Variants in DNAJC11 observed in about 807,000 individuals in gnomAD.
DNAJC11 encodes DnaJ heat shock protein family (Hsp40) member C11, also known as dnaJ homolog subfamily C member 11.
A neutral mutation model predicts 78.6 loss-of-function variants in DNAJC11; 15 were observed. The ratio of observed to expected loss-of-function variants is 0.19; its 90% CI spans 0.13 to 0.29. The LOEUF is 0.29. DNAJC11 is among the 10% of genes least tolerant of loss of function. The pLI is 1.00. For missense variants in DNAJC11, 547 were observed against 709.6 expected (o/e 0.77, Z 2.60); for synonymous variants, 292 against 272.1 (o/e 1.07, Z -0.72).
At chr1:6,642,352 C>T (rs1031363453) in intron 10 of DNAJC11, among the ~76,000 whole-genome samples, 8 of 152,132 alleles carry the variant, frequency 5.3e-5, no homozygotes, top group Non-Finnish European at 1.0e-4. Context: ...GGGGAGGGTG[C>T]TGTGTAACTA....
At chr1:6,646,017 C>G in intron 7 of DNAJC11, 39 bp from the exon 8 acceptor site, 1 of 1,600,994 alleles carries the variant, frequency 6.2e-7, no homozygotes, top group Non-Finnish European at 8.6e-7. Context: ...CTGGATAGCA[C>G]CTGCTCTCAG....
chr1:6,679,495 C>T (rs760726353), intron 2 of DNAJC11, among the ~76,000 whole-genome samples: 3 of 152,288 alleles, frequency 2.0e-5, no homozygotes, highest in East Asian at 3.9e-4. Flanking sequence ...CTCTGCTTCA[C>T]CAATTTCTGC....
chr1:6,681,424 AC>A (rs1642550722), intron 1 of DNAJC11, among the ~76,000 whole-genome samples: 1 of 152,190 alleles, frequency 6.6e-6, no homozygotes, highest in Non-Finnish European at 1.5e-5. Context: ...AAAGCTATAT[AC>A]CATTAGACAG....
chr1:6,670,922 G>T (rs1190004807), intron 3 of DNAJC11: 1 of 152,134 alleles, frequency 6.6e-6, no homozygotes, highest in East Asian at 1.9e-4. Flanking sequence ...TGCATCGAAA[G>T]AAAATAAAAA....
At chr1:6,697,020 A>G (rs555005415) in intron 1 of DNAJC11, among the ~76,000 whole-genome samples, 5 of 152,372 alleles carry the variant, frequency 3.3e-5, no homozygotes, top group Admixed American at 1.3e-4. Context: ...TCTGATTTAT[A>G]GTTAAGGAAT....
intron 4 of DNAJC11, among the ~76,000 whole-genome samples, chr1:6,663,299 AC>A (rs924251323): frequency 1.6e-4 from 25 of 152,126 alleles, no homozygotes; most frequent in African/African-American, 5.5e-4. Flanking sequence ...TTGCCCCCAC[AC>A]CCCCAAACAA....
chr1:6,639,038 G>A (rs1641831911), intron 11 of DNAJC11, among the ~76,000 whole-genome samples: 1 of 152,182 alleles, frequency 6.6e-6, no homozygotes, highest in African/African-American at 2.4e-5. Flanking sequence ...TCCTTTATCT[G>A]AGATTCTCTA....
chr1:6,646,076 C>A, intron 7 of DNAJC11, 98 bp from the exon 8 acceptor site: 1 of 1,242,544 alleles, frequency 8.0e-7, no homozygotes, highest in Non-Finnish European at 1.2e-6. Context: ...CTTACTGTCA[C>A]GTCTATGCAT....
intron 4 of DNAJC11, among the ~76,000 whole-genome samples, chr1:6,660,397 C>T (rs558155314): frequency 3.9e-5 from 6 of 152,176 alleles, no homozygotes; most frequent in Admixed American, 3.3e-4. Flanking sequence ...CCTAGATGAT[C>T]TGCCTGCCTC....
At position 6,637,839 on chromosome 1, in the gene DNAJC11, TAA is replaced by T. The variant is rs1570261193; in HGVS notation, c.1324-337_1324-336del. The T allele has an allele frequency of 6.8e-6, 3 of 443,120 alleles. No homozygotes were observed. In the East Asian group the frequency reaches 1.3e-4, roughly 19 times the overall value. The allele number at this position is 443,120 out of a possible 1,614,324, so 27.4% of individuals were successfully genotyped here. A position where few individuals can be genotyped will look rare whatever the true frequency, so the allele number is the denominator to read the frequency against. On this transcript the variant is annotated intron_variant, in intron 12 of 15. Transcript: ENST00000377577. ...AACAATGCGTTGTCAGCTTTAAAAA[TAA>T]AGAGATTTCACAGGAGAAGCTGGAA...
intron 3 of DNAJC11, among the ~76,000 whole-genome samples, chr1:6,675,289 GAA>G (rs755060430): frequency 5.1e-5 from 6 of 117,828 alleles, no homozygotes; most frequent in African/African-American, 1.2e-4. Context: ...GTATCCACAT[GAA>G]AAAAAAAAAA....
chr1:6,698,864 C>A (rs1046741333), intron 1 of DNAJC11, among the ~76,000 whole-genome samples: 5 of 151,036 alleles, frequency 3.3e-5, no homozygotes, highest in African/African-American at 1.2e-4. Context: ...ATCACCTGAG[C>A]CGGGGAAGGT....
Position 6,640,068 on chromosome 1 carries a change from A to G in DNAJC11, c.1098-11T>C, listed in dbSNP as rs1557465218. The G allele has an allele frequency of 1.3e-6, 2 of 1,511,262 alleles. No individual in the cohort carries two copies. The highest frequency in any genetic ancestry group is 5.0e-5 in the Admixed American group (2 of 40,010). The allele number at this position is 1,511,262 out of a possible 1,614,324, so 93.6% of individuals were successfully genotyped here. On this transcript the variant is annotated splice_polypyrimidine_tract_variant and intron_variant, in intron 10 of 15. Coordinates refer to ENST00000377577, the MANE Select transcript of DNAJC11 (RefSeq NM_018198.4). ...CTGGCCCTGTTGAGCCTGGGGAAAA[A>G]TACAAAAAAAAAAAAAAAAAAGCCA...
intron 3 of DNAJC11, among the ~76,000 whole-genome samples, chr1:6,672,516 T>A (rs988979106): frequency 3.3e-5 from 5 of 152,246 alleles, no homozygotes; most frequent in African/African-American, 1.2e-4. Context: ...AGGTGGCAGA[T>A]CATTCCATTT....
At chr1:6,661,205 C>T (rs983681237) in intron 4 of DNAJC11, among the ~76,000 whole-genome samples, 7 of 152,146 alleles carry the variant, frequency 4.6e-5, no homozygotes, top group Non-Finnish European at 8.8e-5. Context: ...CTGTCAACTG[C>T]AATCTCAAAA....
chr1:6,680,050 T>A lies in DNAJC11; in HGVS notation c.202+858A>T, dbSNP rs987543083. ...AAGTGAAAAACACTACAAGCTATTATGTATACAGTGAGATGACTTTATGAT... is the reference window on the plus strand; with the variant it reads ...AAGTGAAAAACACTACAAGCTATTAAGTATACAGTGAGATGACTTTATGAT... On this transcript the variant is annotated intron_variant, in intron 2 of 15. Transcript: ENST00000377577. The surrounding 1 kb of genome is among the most constrained non-coding windows in gnomAD (Gnocchi z 4.0). 6.6e-6 allele frequency among the ~76,000 whole-genome samples: 1 copy of A among 152,254 alleles called. No individual in the cohort carries two copies. Among genetic ancestry groups the A allele is most frequent in the Non-Finnish European group, 1.5e-5 (1 of 68,052 alleles).
chr1:6,688,124 T>C (rs1642686356), intron 1 of DNAJC11, among the ~76,000 whole-genome samples: 1 of 152,186 alleles, frequency 6.6e-6, no homozygotes, highest in Non-Finnish European at 1.5e-5. Context: ...AGATAATCAA[T>C]ATCTGCCAGA....
intron 1 of DNAJC11, among the ~76,000 whole-genome samples, chr1:6,693,290 A>G (rs1054702741): frequency 6.6e-5 from 10 of 152,192 alleles, no homozygotes; most frequent in Non-Finnish European, 5.9e-5. Context: ...TGGATAGCAA[A>G]GTTCATCCTT....
At chr1:6,640,340 G>A (rs554262119) in intron 10 of DNAJC11, among the ~76,000 whole-genome samples, 106 of 152,290 alleles carry the variant, frequency 7.0e-4, no homozygotes, top group Middle Eastern at 3.4e-3. Flanking sequence ...TCCCCTACAG[G>A]TGCATTCAGT....
Sources: allele counts gnomAD v4.1 joint callset (sites outside exome capture counted in the v4.1 genomes callset), GRCh38; gene constraint gnomAD v4.1.1; non-coding constraint Gnocchi (gnomAD v3.1); transcripts MANE v1.5; gene names NCBI Gene and HGNC (gene_info 2026-07-23, HGNC 2026-07-21).